Variants in HS3ST4 observed in about 807,000 individuals in gnomAD.
HS3ST4 encodes heparan sulfate-glucosamine 3-sulfotransferase 4, also known as heparan sulfate glucosamine 3-O-sulfotransferase 4.
A neutral mutation model predicts 29.2 loss-of-function variants in HS3ST4; 17 were observed. That is an observed-to-expected ratio of 0.58 (90% confidence interval 0.40 to 0.87). The LOEUF is 0.87. HS3ST4 is among the 40% of genes least tolerant of loss of function. The pLI is 0.00. For synonymous variants in HS3ST4, 314 were observed against 285.7 expected, an observed-to-expected ratio of 1.10 and a Z score of -1.00; for missense variants, 627 against 634.5, an observed-to-expected ratio of 0.99 and a Z score of 0.13.
chr16:25,850,854 G>A (rs1245467264), intron 1 of HS3ST4, among the ~76,000 whole-genome samples: 1 of 152,202 alleles, frequency 6.6e-6, no homozygotes, highest in Admixed American at 6.5e-5. Context: ...CAGGGAGTAT[G>A]GTGGGAGAGG....
At chr16:25,891,887 C>A (rs1968012187) in intron 1 of HS3ST4, among the ~76,000 whole-genome samples, 1 of 152,186 alleles carries the variant, frequency 6.6e-6, no homozygotes, top group South Asian at 2.1e-4. Context: ...TTGGGTGAGT[C>A]ATTTAAACTC....
intron 1 of HS3ST4, among the ~76,000 whole-genome samples, chr16:26,064,090 GTGTCCACGTA>G (rs1475595866): frequency 6.6e-6 from 1 of 152,128 alleles, no homozygotes; most frequent in Admixed American, 6.5e-5. Context: ...AATGGGGCTA[GTGTCCACGTA>G]TGTGCTGTCT....
chr16:25,706,961 G>A (rs573450643), intron 1 of HS3ST4, among the ~76,000 whole-genome samples: 12 of 152,308 alleles, frequency 7.9e-5, no homozygotes, highest in African/African-American at 2.4e-4. Flanking sequence ...TAGGTTTTAA[G>A]TTGCTCATCA....
At position 25,692,132 on chromosome 16, in the gene HS3ST4, C is replaced by G. The variant is rs1342250071; in HGVS notation, c.-286C>G. The G allele has an allele frequency of 6.7e-6, 1 of 149,156 alleles. No individual in the cohort carries two copies. Among genetic ancestry groups the G allele is most frequent in the Non-Finnish European group, 1.5e-5 (1 of 66,834 alleles). 9.2% of individuals were successfully genotyped at this position (149,156 alleles called of 1,614,324 possible). On this transcript the variant is annotated 5_prime_UTR_variant, in exon 1 of 2. Coordinates refer to ENST00000331351, the MANE Select transcript of HS3ST4 (RefSeq NM_006040.3). ...TGCCGCCGGCGGGTCCGCGCGCCCC[C>G]CTCGGTCCCCTTGCCTGAGGCTGAG...
intron 1 of HS3ST4, among the ~76,000 whole-genome samples, chr16:25,944,023 T>C (rs915460989): frequency 7.2e-5 from 11 of 152,208 alleles, no homozygotes; most frequent in Non-Finnish European, 1.5e-4. Flanking sequence ...TTAAGAGATG[T>C]GGTAAATTTC....
intron 1 of HS3ST4, among the ~76,000 whole-genome samples, chr16:25,951,565 G>A (rs1338048283): frequency 1.3e-5 from 2 of 152,134 alleles, no homozygotes; most frequent in African/African-American, 4.8e-5. Context: ...AACCTACTTA[G>A]CAAAGCTCAG....
intron 1 of HS3ST4, among the ~76,000 whole-genome samples, chr16:25,770,892 G>A (rs745731146): frequency 1.3e-5 from 2 of 152,072 alleles, no homozygotes; most frequent in South Asian, 2.1e-4. Context: ...TGGGAACTGC[G>A]CTAAGTGTTT....
At chr16:25,988,688 AAC>A (rs2141726953) in intron 1 of HS3ST4, among the ~76,000 whole-genome samples, 2 of 152,276 alleles carry the variant, frequency 1.3e-5, no homozygotes, top group South Asian at 4.2e-4. Flanking sequence ...AGAGGGGAAC[AAC>A]ACACACTGGG....
At chr16:25,879,418 G>A (rs1967870551) in intron 1 of HS3ST4, among the ~76,000 whole-genome samples, 1 of 152,154 alleles carries the variant, frequency 6.6e-6, no homozygotes, top group Non-Finnish European at 1.5e-5. Flanking sequence ...TGGCAGGGGA[G>A]GTCACACATC....
chr16:25,968,426 T>A (rs1968864992), intron 1 of HS3ST4, among the ~76,000 whole-genome samples: 1 of 152,150 alleles, frequency 6.6e-6, no homozygotes, highest in Non-Finnish European at 1.5e-5. Context: ...GGTCGCCCCT[T>A]AGATGAGGCA....
intron 1 of HS3ST4, among the ~76,000 whole-genome samples, chr16:25,953,819 G>T (rs893420588): frequency 6.6e-6 from 1 of 152,182 alleles, no homozygotes; most frequent in African/African-American, 2.4e-5. Context: ...TCCTGCTGGG[G>T]AACTCTGGTG....
chr16:26,085,147 G>A lies in HS3ST4; in HGVS notation c.735-50465G>A, dbSNP rs185957871. On this transcript the variant is annotated intron_variant, in intron 1 of 1. Transcript: ENST00000331351. ...CTTTCTGGAGAGAGCTCAGCCTGGT[G>A]AAATGAAGCCAGGATTTAGATCCAG... 3.1e-3 allele frequency among the ~76,000 whole-genome samples: 469 copies of A among 152,298 alleles called. 2 individuals are homozygous for A. Among genetic ancestry groups the A allele is most frequent in the African/African-American group, 0.011 (454 of 41,556 alleles).
chr16:26,040,940 A>G (rs895997239), intron 1 of HS3ST4, among the ~76,000 whole-genome samples: 1 of 152,156 alleles, frequency 6.6e-6, no homozygotes, highest in East Asian at 1.9e-4. Context: ...GAAACTACCT[A>G]GGCTGTCCAA....
chr16:25,988,990 C>A (rs1393957627), intron 1 of HS3ST4, among the ~76,000 whole-genome samples: 1 of 152,084 alleles, frequency 6.6e-6, no homozygotes, highest in Non-Finnish European at 1.5e-5. Context: ...GAACAATTTG[C>A]AAATCAGGCA....
intron 1 of HS3ST4, among the ~76,000 whole-genome samples, chr16:25,783,128 T>C (rs1966854189): frequency 6.6e-6 from 1 of 152,192 alleles, no homozygotes; most frequent in Non-Finnish European, 1.5e-5. Context: ...TTCTTTTTTT[T>C]TCTTTTTATT....
At position 25,955,347 on chromosome 16, in the gene HS3ST4, C is replaced by T. The variant is rs115727986; in HGVS notation, c.735-180265C>T. 8.7e-3 allele frequency among the ~76,000 whole-genome samples: 1,328 copies of T among 152,228 alleles called. 15 individuals are homozygous for T. The highest frequency in any genetic ancestry group is 0.028 in the African/African-American group (1,164 of 41,522). The stretch of plus-strand genomic sequence containing the variant: ...AATGTCCTAAAGGTGCAATAAACCT[C>T]GTCAGTTGCTTTATAGCCTTCAGAA... On this transcript the variant is annotated intron_variant, in intron 1 of 1. Transcript: ENST00000331351.
intron 1 of HS3ST4, among the ~76,000 whole-genome samples, chr16:26,102,859 G>C (rs776866064): frequency 1.3e-5 from 2 of 152,202 alleles, no homozygotes; most frequent in African/African-American, 2.4e-5. Flanking sequence ...TTGGACAAGG[G>C]GAGGAAAGAT....
At chr16:26,117,517 A>G (rs1190415868) in intron 1 of HS3ST4, among the ~76,000 whole-genome samples, 1 of 152,142 alleles carries the variant, frequency 6.6e-6, no homozygotes, top group African/African-American at 2.4e-5. Flanking sequence ...AGGCTATTCC[A>G]TGTTATATCT....
intron 1 of HS3ST4, among the ~76,000 whole-genome samples, chr16:26,068,936 C>A (rs761778352): frequency 5.9e-5 from 9 of 152,084 alleles, no homozygotes; most frequent in Non-Finnish European, 1.0e-4. Flanking sequence ...CCACTTCTGC[C>A]AATATCTATA....
Sources: allele counts gnomAD v4.1 joint callset (sites outside exome capture counted in the v4.1 genomes callset), GRCh38; gene constraint gnomAD v4.1.1; transcripts MANE v1.5; gene names NCBI Gene and HGNC (gene_info 2026-07-23, HGNC 2026-07-21).